TENM1: variants seen among roughly 807,000 people sequenced by gnomAD.
TENM1 encodes the protein teneurin transmembrane protein 1, also known as teneurin-1.
A neutral mutation model predicts 174.8 loss-of-function variants in TENM1; 35 were observed. The observed-to-expected ratio is 0.20, with a 90% confidence interval of 0.15 to 0.27. The LOEUF is 0.27. Ranked by LOEUF, TENM1 falls within the 10% of genes least tolerant of loss-of-function variation. The probability of loss-of-function intolerance (pLI) is 1.00; values close to 1 mark genes in which losing one functional copy is unlikely to be tolerated. For missense variants in TENM1, 1,633 were observed against 2,130.1 expected (o/e 0.77, Z 4.59); for synonymous variants, 781 against 798.7 (o/e 0.98, Z 0.37).
chrX:124,580,306 ATG>A (rs1351991063), intron 11 of TENM1, among the ~76,000 whole-genome samples: 1 of 111,322 alleles, frequency 9.0e-6, no homozygotes, highest in Non-Finnish European at 1.9e-5. Flanking sequence ...TTTGCTACAC[ATG>A]TGTGAACCTG....
intron 3 of TENM1, among the ~76,000 whole-genome samples, chrX:124,753,251 T>C (rs1603130570): frequency 2.7e-5 from 3 of 110,866 alleles, no homozygotes; most frequent in African/African-American, 6.6e-5. Flanking sequence ...TTTGAAGCAG[T>C]TGTGAATGGG....
chrX:124,694,853 C>G (rs1024350194), intron 5 of TENM1, among the ~76,000 whole-genome samples: 1 of 111,878 alleles, frequency 8.9e-6, no homozygotes, highest in Admixed American at 9.5e-5. Context: ...TCCTGCCCTT[C>G]ACATAATTTC....
At chrX:124,880,824 A>G (rs2057290849) in intron 3 of TENM1, among the ~76,000 whole-genome samples, 1 of 111,301 alleles carries the variant, frequency 9.0e-6, no homozygotes, top group Non-Finnish European at 1.9e-5. Flanking sequence ...TGTTGATGTG[A>G]TGTATTATGT....
intron 22 of TENM1, among the ~76,000 whole-genome samples, chrX:124,471,050 T>A (rs1345121208): frequency 1.0e-5 from 1 of 99,480 alleles, no homozygotes; most frequent in Admixed American, 1.2e-4. Context: ...TATGCCCTTA[T>A]ATAGCAATTA....
chrX:124,542,696 G>A (rs1485134779), intron 15 of TENM1, among the ~76,000 whole-genome samples: 2 of 110,920 alleles, frequency 1.8e-5, no homozygotes, highest in African/African-American at 3.3e-5. Context: ...TGGTGGGACC[G>A]GGATTATCTG....
chrX:125,101,538 G>A, the TENM1 span, among the ~76,000 whole-genome samples: 2 of 111,835 alleles, frequency 1.8e-5, no homozygotes, highest in African/African-American at 6.5e-5. Context: ...CCCCATGTTT[G>A]CTTAGAAAGA....
At position 124,650,731 on chromosome X, in the gene TENM1, C is replaced by T. The variant is rs1015218678; in HGVS notation, c.1579+1183G>A. 2.7e-5 allele frequency among the ~76,000 whole-genome samples: 3 copies of T among 111,511 alleles called. No homozygotes were observed. The East Asian group carries it at 8.4e-4, about 31-fold the overall frequency. On this transcript the variant is annotated intron_variant, in intron 8 of 31. Transcript: ENST00000422452. The stretch of plus-strand genomic sequence containing the variant: ...GCCATGAAATATTCATCCATTGAAC[C>T]TGCCCCACTGAGCCTGTCAATAGCA...
intron 22 of TENM1, among the ~76,000 whole-genome samples, chrX:124,455,847 T>G (rs774180444): frequency 1.8e-5 from 2 of 111,235 alleles, no homozygotes; most frequent in East Asian, 5.6e-4. Flanking sequence ...CTCTAAAAAT[T>G]TGAGCAGGTT....
At chrX:125,017,548 T>G in the TENM1 span, among the ~76,000 whole-genome samples, 1 of 111,674 alleles carries the variant, frequency 9.0e-6, no homozygotes, top group East Asian at 2.8e-4. Flanking sequence ...TTATAATTCA[T>G]TGTACTATAA....
At chrX:124,716,880 G>A (rs2053196401) in intron 4 of TENM1, among the ~76,000 whole-genome samples, 1 of 111,343 alleles carries the variant, frequency 9.0e-6, no homozygotes, top group African/African-American at 3.3e-5. Flanking sequence ...CACCCTAAGG[G>A]TAGAATCATG....
chrX:124,637,582 C>G (rs922855451), intron 11 of TENM1, among the ~76,000 whole-genome samples: 3 of 111,550 alleles, frequency 2.7e-5, no homozygotes, highest in African/African-American at 9.8e-5. Context: ...TGACACTACC[C>G]TCTTTAAACA....
At chrX:124,569,328 CT>C (rs1438588194) in intron 11 of TENM1, among the ~76,000 whole-genome samples, 7 of 111,848 alleles carry the variant, frequency 6.3e-5, no homozygotes, top group Non-Finnish European at 1.3e-4. Context: ...TACAGCCCCC[CT>C]CTCACACCAA....
intron 3 of TENM1, among the ~76,000 whole-genome samples, chrX:124,843,421 C>G (rs1031688807): frequency 9.0e-6 from 1 of 110,794 alleles, no homozygotes; most frequent in African/African-American, 3.3e-5. Context: ...GAATGTGCTG[C>G]TTGCCACTCT....
At chrX:124,974,888 C>CTATATATA in the TENM1 span, among the ~76,000 whole-genome samples, 1 of 72,727 alleles carries the variant, frequency 1.4e-5, no homozygotes, top group African/African-American at 5.5e-5. Context: ...GGGACTGACA[C>CTATATATA]TATATATATA....
In TENM1 at chrX:124,821,699, C is replaced by T. The variant is rs954858900; in HGVS notation, c.535+72597G>A. 5.4e-5 allele frequency among the ~76,000 whole-genome samples: 6 copies of T among 112,026 alleles called. No individual in the cohort carries two copies. The Admixed American group carries it at 5.7e-4, about 11-fold the overall frequency. On this transcript the variant is annotated intron_variant, in intron 3 of 31. Transcript: ENST00000422452. ...GTGGAAGCACTGGTTCTGTAATTCA[C>T]ACTTTTATCACCCATTTCTTCACAG...
intron 28 of TENM1, 99 bp downstream of exon 31, chrX:124,391,953 C>T: frequency 1.2e-5 from 8 of 680,412 alleles, no homozygotes; most frequent in Non-Finnish European, 1.8e-5. Flanking sequence ...GGAACACAGA[C>T]TTTTCTCCTG....
At chrX:124,808,654 A>G (rs979057801) in intron 3 of TENM1, among the ~76,000 whole-genome samples, 1 of 112,228 alleles carries the variant, frequency 8.9e-6, no homozygotes, top group African/African-American at 3.2e-5. Flanking sequence ...GTATAAAACT[A>G]GAAATGAATA....
intron 11 of TENM1, among the ~76,000 whole-genome samples, chrX:124,573,352 T>C (rs1602689171): frequency 8.9e-6 from 1 of 111,784 alleles, no homozygotes; most frequent in East Asian, 2.8e-4. Flanking sequence ...CTGAGGATAG[T>C]GGTTTCTGCT....
rs114820678 is a variant in TENM1 at position 124,498,657 on chromosome X, T to C, written c.3446-1392A>G. Among the ~76,000 whole-genome samples, 547 of 109,092 alleles carry C rather than the reference T, an allele frequency of 5.0e-3. 4 individuals carry two copies. Among genetic ancestry groups the C allele is most frequent in the African/African-American group, 0.017 (526 of 30,099 alleles). 94.7% of individuals were successfully genotyped at this position (109,092 alleles called of 115,157 possible). A position where few individuals can be genotyped will look rare whatever the true frequency, so the allele number is the denominator to read the frequency against. On this transcript the variant is annotated intron_variant, in intron 19 of 31. Transcript: ENST00000422452. Reference sequence around the variant, plus strand: ...GCTTGGGGAGGTTCTATTCATCCTTTAAAGCTCAGCTCCAGTTTTCCTCAA... The same window carrying C: ...GCTTGGGGAGGTTCTATTCATCCTTCAAAGCTCAGCTCCAGTTTTCCTCAA...
Sources: gnomAD v4.1 joint callset for allele counts (sites outside exome capture counted in the v4.1 genomes callset) on GRCh38, gnomAD v4.1.1 for gene constraint, MANE v1.5 for transcripts, NCBI Gene and HGNC (gene_info 2026-07-23, HGNC 2026-07-21) for gene names.